RTRAF: variants seen among roughly 807,000 people sequenced by gnomAD.
RTRAF encodes tRNA-splicing ligase complex subunit RTRAF.
RTRAF carries 14 observed loss-of-function variants against 34.4 expected under a neutral mutation model. The observed-to-expected ratio is 0.41, with a 90% confidence interval of 0.27 to 0.64. RTRAF has a LOEUF of 0.64. RTRAF is among the 30% of genes least tolerant of loss of function. The pLI, the probability that RTRAF is intolerant of heterozygous loss-of-function variation, is 0.34. For synonymous variants in RTRAF, 96 were observed against 95.3 expected (o/e 1.01, Z -0.04); for missense variants, 291 against 288.4 (o/e 1.01, Z -0.06).
chr14:52,006,732 GAC>G lies in RTRAF; in HGVS notation c.*2220_*2221del, dbSNP rs2140338604. On this transcript the variant is annotated 3_prime_UTR_variant, in exon 8 of 8. Coordinates refer to ENST00000261700, the MANE Select transcript of RTRAF (RefSeq NM_016039.3). ...AAAATGATAGTGACATAGTGATAGT[GAC>G]ACAGTGATAGAATGGGGAAATAGGA... is the stretch of plus-strand genomic sequence containing the variant. 6.6e-7 allele frequency: 1 copy of G among 1,514,142 alleles called. No homozygotes were observed. The highest frequency in any genetic ancestry group is 1.7e-5 in the Admixed American group (1 of 58,316). The allele number at this position is 1,514,142 out of a possible 1,614,324, so 93.8% of individuals were successfully genotyped here.
intron 4 of RTRAF, 86 bp downstream of exon 4, chr14:51,998,666 C>T: frequency 1.2e-6 from 1 of 819,726 alleles, no homozygotes; most frequent in Non-Finnish European, 1.9e-6. Flanking sequence ...TCCAGGTTTA[C>T]TTGGTTTTAG....
chr14:52,004,640 G>A lies in RTRAF; in HGVS notation c.*124G>A. The A allele has an allele frequency of 2.3e-6, 2 of 876,648 alleles. No individual in the cohort carries two copies. The highest frequency in any genetic ancestry group is 3.4e-6 in the Non-Finnish European group (2 of 582,618). 54.3% of individuals were successfully genotyped at this position (876,648 alleles called of 1,614,324 possible). A position where few individuals can be genotyped will look rare whatever the true frequency, so the allele number is the denominator to read the frequency against. On this transcript the variant is annotated 3_prime_UTR_variant, in exon 8 of 8. Transcript: ENST00000261700. ...AGCCCAGAAAATTGGGTATGTTCTA[G>A]AGATTTACCACCATTGCTTATTGCT...
At chr14:51,994,679 T>C (rs1211561359) in intron 3 of RTRAF, among the ~76,000 whole-genome samples, 1 of 152,198 alleles carries the variant, frequency 6.6e-6, no homozygotes, top group Non-Finnish European at 1.5e-5. Flanking sequence ...ACTTACTCCT[T>C]GTTTCCAAAG....
chr14:51,990,493 A>G (rs1199237465), intron 1 of RTRAF, among the ~76,000 whole-genome samples: 1 of 152,258 alleles, frequency 6.6e-6, no homozygotes, highest in Non-Finnish European at 1.5e-5. Context: ...TCAAGACCTT[A>G]TAATGGAAGC....
In RTRAF at chr14:52,007,538, G is replaced by A; in HGVS notation, c.*3022G>A. 1 of 404,706 alleles carries A rather than the reference G, an allele frequency of 2.5e-6. No homozygotes were observed. 25.1% of individuals were successfully genotyped at this position (404,706 alleles called of 1,614,324 possible). On this transcript the variant is annotated 3_prime_UTR_variant, in exon 8 of 8. Transcript: ENST00000261700. ...ACTTAAGTTTGTCAATTCAACAATG[G>A]CTAATTCTTTTAACTGTTAAAAATA...
rs372503973 is a variant in RTRAF, at chr14:52,004,463, G to T, written c.682G>T (p.Ala228Ser). 3 of 1,613,986 alleles carry T rather than the reference G, an allele frequency of 1.9e-6. No individual in the cohort carries two copies. In the African/African-American group the frequency reaches 4.0e-5, roughly 22 times the overall value. The part of the protein sequence containing the change: ...KINEAIVAVQ[A>S]IIADPKTDHR... Reference sequence around the variant, plus strand: ...CAACGAAGCCATAGTAGCTGTTCAGGCAATTATTGCTGATCCAAAGACAGA... The same window carrying T: ...CAACGAAGCCATAGTAGCTGTTCAGTCAATTATTGCTGATCCAAAGACAGA... Residue 228 changes from alanine to serine, a missense_variant, in exon 8 of 8, where the codon GCA (alanine) becomes TCA (serine). Physicochemically the swap from Ala to Ser is moderately conservative, Grantham distance 99 (BLOSUM62 1). Transcript: ENST00000261700.
rs1438696738 is a variant in RTRAF, at chr14:52,007,500, TAAG to T, written c.*2987_*2989del. 4.8e-5 allele frequency: 16 copies of T among 329,936 alleles called. No homozygotes were observed. In the East Asian group the frequency reaches 1.4e-3, roughly 28 times the overall value. The allele number at this position is 329,936 out of a possible 1,614,324, so 20.4% of individuals were successfully genotyped here. ...AAGTTATAGTGACCCTCTCCCCGCA[TAAG>T]AATAACTTCACTTAAGTTTGTCAAT... On this transcript the variant is annotated 3_prime_UTR_variant, in exon 8 of 8. Transcript: ENST00000261700.
chr14:52,003,045 T>TGTAA (rs1295766627), intron 6 of RTRAF, among the ~76,000 whole-genome samples: 3 of 152,218 alleles, frequency 2.0e-5, no homozygotes, highest in Middle Eastern at 3.2e-3. Context: ...TGGAAGGCAG[T>TGTAA]GTAAGTAAAG....
intron 2 of RTRAF, among the ~76,000 whole-genome samples, chr14:51,991,957 A>G (rs1413633214): frequency 2.0e-5 from 3 of 152,074 alleles, no homozygotes; most frequent in Non-Finnish European, 1.5e-5. Flanking sequence ...GTGTCAGCTA[A>G]TTGGGAGGCT....
chr14:52,002,119 C>T (rs1890610663), intron 6 of RTRAF, among the ~76,000 whole-genome samples: 1 of 152,268 alleles, frequency 6.6e-6, no homozygotes. Flanking sequence ...ATGCACAGTC[C>T]ACAAATCATG....
Position 52,005,661 on chromosome 14 carries a change from AG to A in RTRAF, c.*1149del. 1 of 1,384,016 alleles carries A rather than the reference AG, an allele frequency of 7.2e-7. No homozygotes were observed. The highest frequency in any genetic ancestry group is 1.0e-6 in the Non-Finnish European group (1 of 971,920). 85.7% of individuals were successfully genotyped at this position (1,384,016 alleles called of 1,614,324 possible). On this transcript the variant is annotated 3_prime_UTR_variant, in exon 8 of 8. Transcript: ENST00000261700. ...CAATGGTGGCAGTGTCACAGGCAGC[AG>A]GGGTAATCAAATACCATATATATCC...
chr14:52,006,528 G>C lies in RTRAF; in HGVS notation c.*2012G>C, dbSNP rs1334848607. 12 of 1,613,090 alleles carry C rather than the reference G, an allele frequency of 7.4e-6. No homozygotes were observed. The highest frequency in any genetic ancestry group is 1.3e-5 in the African/African-American group (1 of 74,872). On this transcript the variant is annotated 3_prime_UTR_variant, in exon 8 of 8. Transcript: ENST00000261700. Reference sequence around the variant, plus strand: ...CTTTTCAGGCTTGTCCAGAATTTGTGGGGCTCACCTCCTCCAGTCTGTGTG... The same window carrying C: ...CTTTTCAGGCTTGTCCAGAATTTGTCGGGCTCACCTCCTCCAGTCTGTGTG...
At chr14:51,994,466 C>T (rs1890486229) in intron 3 of RTRAF, among the ~76,000 whole-genome samples, 1 of 152,150 alleles carries the variant, frequency 6.6e-6, no homozygotes. Flanking sequence ...TATATCTTGG[C>T]TTATCCCTTT....
intron 5 of RTRAF, among the ~76,000 whole-genome samples, chr14:52,001,062 G>A (rs1012253571): frequency 7.9e-5 from 12 of 152,110 alleles, no homozygotes; most frequent in African/African-American, 2.9e-4. Flanking sequence ...TTAACTGTTT[G>A]GCAACCAGAC....
At chr14:52,003,469 T>C (rs976682831) in intron 6 of RTRAF, among the ~76,000 whole-genome samples, 2 of 152,180 alleles carry the variant, frequency 1.3e-5, no homozygotes, top group Non-Finnish European at 2.9e-5. Context: ...AGCATTTGAA[T>C]AGTAACAGGT....
intron 4 of RTRAF, 53 bp downstream of exon 4, chr14:51,998,633 G>A (rs1012806206): frequency 2.4e-6 from 3 of 1,231,482 alleles, no homozygotes; most frequent in African/African-American, 3.1e-5. Context: ...TTTTTTAAAT[G>A]TTTTTTTCTT....
Position 52,007,943 on chromosome 14 carries a change from A to G in RTRAF, c.*3427A>G. 6.2e-7 allele frequency: 1 copy of G among 1,613,302 alleles called. No individual in the cohort carries two copies. Among genetic ancestry groups the G allele is most frequent in the Non-Finnish European group, 8.5e-7 (1 of 1,179,758 alleles). ...ACGTTTCAATTTTAGGAGCTTCTCT[A>G]TTCCAGTCTGTCCAGTACAAGTTGC... On this transcript the variant is annotated 3_prime_UTR_variant, in exon 8 of 8. Coordinates refer to ENST00000261700, the MANE Select transcript of RTRAF (RefSeq NM_016039.3).
chr14:52,008,719 A>C lies in RTRAF; in HGVS notation c.*4203A>C, dbSNP rs1890890081. On this transcript the variant is annotated 3_prime_UTR_variant, in exon 8 of 8. Coordinates refer to ENST00000261700, the MANE Select transcript of RTRAF (RefSeq NM_016039.3). ...TGAATTGGATCTTGGGTTTTAGAAT[A>C]GAAACAAATACAGCTGTTAGGAATG... is the stretch of plus-strand genomic sequence containing the variant. 2.6e-5 allele frequency: 4 copies of C among 152,220 alleles called. No individual in the cohort carries two copies. The South Asian group carries it at 8.3e-4, about 32-fold the overall frequency. 9.4% of individuals were successfully genotyped at this position (152,220 alleles called of 1,614,324 possible). A position where few individuals can be genotyped will look rare whatever the true frequency, so the allele number is the denominator to read the frequency against.
chr14:52,004,065 C>G (rs1401296792), intron 6 of RTRAF, 129 bp from the exon 7 acceptor site: 11 of 780,780 alleles, frequency 1.4e-5, no homozygotes, highest in Non-Finnish European at 2.3e-5. Flanking sequence ...AACAAAATTC[C>G]TAGTTCCCTT....
Sources: gnomAD v4.1 joint callset for allele counts (sites outside exome capture counted in the v4.1 genomes callset) on GRCh38, gnomAD v4.1.1 for gene constraint, MANE v1.5 for transcripts, NCBI Gene and HGNC (gene_info 2026-07-23, HGNC 2026-07-21) for gene names.